CA5A: variants seen among roughly 807,000 people sequenced by gnomAD.
The protein encoded by CA5A is carbonic anhydrase 5A.
In CA5A, 28 loss-of-function variants were observed where a neutral mutation model predicts 37.1. The ratio of observed to expected loss-of-function variants is 0.75; its 90% CI spans 0.56 to 1.03. The LOEUF is 1.03. Among genes scored for constraint, CA5A ranks in the 50% least tolerant of loss-of-function variants. The pLI is 0.00. For missense variants in CA5A, 444 were observed against 399.9 expected (o/e 1.11, Z -0.94); for synonymous variants, 171 against 158.4 (o/e 1.08, Z -0.60).
chr16:87,895,830 G>A (rs2055794120), intron 5 of CA5A, among the ~76,000 whole-genome samples: 1 of 152,178 alleles, frequency 6.6e-6, no homozygotes, highest in African/African-American at 2.4e-5. Context: ...ACCGCAGCAT[G>A]AGTTAGAGCT....
intron 6 of CA5A, among the ~76,000 whole-genome samples, chr16:87,889,484 C>G (rs1001867973): frequency 1.3e-5 from 2 of 151,934 alleles, no homozygotes; most frequent in Admixed American, 6.6e-5. Context: ...TAAAAGACTA[C>G]TTTTTATGGC....
chr16:87,917,570 G>A (rs560775450), intron 2 of CA5A, among the ~76,000 whole-genome samples: 7 of 152,332 alleles, frequency 4.6e-5, no homozygotes, highest in Middle Eastern at 3.4e-3. Flanking sequence ...CATACAGAAT[G>A]GAGATGGAAA....
intron 2 of CA5A, among the ~76,000 whole-genome samples, chr16:87,909,307 G>A (rs1027891596): frequency 6.6e-6 from 1 of 152,172 alleles, no homozygotes; most frequent in Non-Finnish European, 1.5e-5. Context: ...GCCTGTACCT[G>A]AACAAGGGAC....
chr16:87,904,745 G>A (rs753621598), intron 3 of CA5A, 41 bp downstream of exon 3: 3 of 1,214,446 alleles, frequency 2.5e-6, no homozygotes, highest in African/African-American at 1.5e-5. Flanking sequence ...CGGAGACATG[G>A]AAAGTGTGCA....
At chr16:87,919,908 G>A (rs2056207690) in intron 2 of CA5A, among the ~76,000 whole-genome samples, 1 of 152,174 alleles carries the variant, frequency 6.6e-6, no homozygotes, top group Admixed American at 6.5e-5. Flanking sequence ...ACTCGGCCGT[G>A]CAGGAGTATT....
chr16:87,932,544 C>T (rs541941370), intron 1 of CA5A, among the ~76,000 whole-genome samples: 231 of 152,302 alleles, frequency 1.5e-3, no homozygotes, highest in African/African-American at 5.2e-3. Context: ...CCCTGGTGCC[C>T]AGCAACGTAG....
intron 2 of CA5A, among the ~76,000 whole-genome samples, chr16:87,918,612 C>T (rs2056188248): frequency 6.6e-6 from 1 of 152,234 alleles, no homozygotes; most frequent in Non-Finnish European, 1.5e-5. Context: ...CCTGCCACGG[C>T]ATGGCCCAGG....
At chr16:87,929,344 G>C (rs72816350) in intron 1 of CA5A, among the ~76,000 whole-genome samples, 27,201 of 149,878 alleles carry the variant, frequency 0.18, 2,568 homozygotes, top group Admixed American at 0.25. Context: ...CCCAGCTACC[G>C]GGGAGGCTGA....
chr16:87,905,380 G>C (rs1697311053), intron 2 of CA5A, among the ~76,000 whole-genome samples: 1 of 152,076 alleles, frequency 6.6e-6, no homozygotes, highest in African/African-American at 2.4e-5. Context: ...TTTATTTTAA[G>C]ACAGAATCTT....
chr16:87,913,125 G>A (rs543475387), intron 2 of CA5A, among the ~76,000 whole-genome samples: 1 of 151,600 alleles, frequency 6.6e-6, no homozygotes, highest in African/African-American at 2.4e-5. Context: ...ATTACAGGCA[G>A]GCACCACCAC....
intron 5 of CA5A, among the ~76,000 whole-genome samples, chr16:87,901,670 C>A (rs1434407146): frequency 1.3e-5 from 2 of 151,762 alleles, no homozygotes; most frequent in African/African-American, 4.8e-5. Flanking sequence ...CTCACTGCAA[C>A]CTCCACCTCT....
chr16:87,889,965 G>T (rs981701751), intron 6 of CA5A, among the ~76,000 whole-genome samples: 3 of 152,150 alleles, frequency 2.0e-5, no homozygotes, highest in African/African-American at 7.2e-5. Context: ...CTAGAGTTGC[G>T]CGCATGGTGC....
chr16:87,895,686 T>C (rs2055791600), intron 5 of CA5A, among the ~76,000 whole-genome samples: 2 of 152,312 alleles, frequency 1.3e-5, no homozygotes, highest in South Asian at 2.1e-4. Context: ...AGCTTGGTAC[T>C]TTTTAGCTAT....
chr16:87,898,303 T>A (rs903256330), intron 5 of CA5A, among the ~76,000 whole-genome samples: 7 of 152,198 alleles, frequency 4.6e-5, no homozygotes, highest in African/African-American at 1.7e-4. Flanking sequence ...TGAGAACTGC[T>A]GAGTCCGCGG....
intron 1 of CA5A, among the ~76,000 whole-genome samples, chr16:87,932,477 T>G (rs1017601289): frequency 6.6e-6 from 1 of 152,210 alleles, no homozygotes; most frequent in African/African-American, 2.4e-5. Flanking sequence ...CATTGCCACC[T>G]GCACGGAGGC....
In CA5A at chr16:87,926,385, G is replaced by A. The variant is rs112150155; in HGVS notation, c.340+363C>T. Among the ~76,000 whole-genome samples the A allele has an allele frequency of 5.8e-3, 882 of 152,288 alleles. 6 individuals carry two copies. The highest frequency in any genetic ancestry group is 0.02 in the African/African-American group (836 of 41,556). On this transcript the variant is annotated intron_variant, in intron 2 of 6. Transcript: ENST00000649794. Reference sequence around the variant, plus strand: ...AGGCCAGCGTGGGCGTCCAGCCACCGCTGCCTTCTGAGTTCCTCTTCCGAC... The same window carrying A: ...AGGCCAGCGTGGGCGTCCAGCCACCACTGCCTTCTGAGTTCCTCTTCCGAC...
chr16:87,918,985 C>T (rs2056193508), intron 2 of CA5A, among the ~76,000 whole-genome samples: 2 of 150,468 alleles, frequency 1.3e-5, no homozygotes, highest in Non-Finnish European at 3.0e-5. Flanking sequence ...CAAAGTGAAA[C>T]CAGATTGGCC....
At chr16:87,892,530 A>G (rs994100060) in intron 5 of CA5A, among the ~76,000 whole-genome samples, 1 of 106,932 alleles carries the variant, frequency 9.4e-6, no homozygotes, top group Non-Finnish European at 1.8e-5. Context: ...AATAATAATA[A>G]TAATAATAAT....
chr16:87,902,466 C>A lies in CA5A; in HGVS notation c.514G>T (p.Val172Leu), dbSNP rs142182110. 1.9e-5 allele frequency: 30 copies of A among 1,612,470 alleles called. No individual in the cohort carries two copies. The highest frequency in any genetic ancestry group is 1.6e-4 in the South Asian group (15 of 91,050). Reference sequence around the variant, plus strand: ...ATCACAGCCAAACCATTCTCTCCCACGACAGCTTCCTTGTAATTTTGGTAT... The same window carrying A: ...ATCACAGCCAAACCATTCTCTCCCAAGACAGCTTCCTTGTAATTTTGGTAT... ...VKYQNYKEAV[V>L]GENGLAVIGV... Residue 172 changes from valine (V) to leucine (L), a missense_variant, in exon 4 of 7, where the codon GTG becomes TTG. By Grantham distance (32) the Val-to-Leu change is conservative. Transcript: ENST00000649794.
Sources: gnomAD v4.1 joint callset for allele counts (sites outside exome capture counted in the v4.1 genomes callset) on GRCh38, gnomAD v4.1.1 for gene constraint, MANE v1.5 for transcripts, NCBI Gene and HGNC (gene_info 2026-07-23, HGNC 2026-07-21) for gene names.